Variants in NSMCE2 observed in about 807,000 individuals in gnomAD.
NSMCE2 encodes NSE2 SUMO ligase component of SMC5/6 complex, also known as E3 SUMO-protein ligase NSE2.
A neutral mutation model predicts 23.8 loss-of-function variants in NSMCE2; 24 were observed. The ratio of observed to expected loss-of-function variants is 1.01; its 90% CI spans 0.73 to 1.42. The LOEUF is 1.42. Among genes scored for constraint, NSMCE2 ranks in the 40% most tolerant of loss-of-function variants. The probability of loss-of-function intolerance (pLI) is 0.00; values close to 1 mark genes in which losing one functional copy is unlikely to be tolerated. For synonymous variants in NSMCE2, 92 were observed against 94.1 expected (o/e 0.98, Z 0.13); for missense variants, 284 against 296.5 (o/e 0.96, Z 0.31).
chr8:125,239,531 C>G (rs573741399), intron 5 of NSMCE2, among the ~76,000 whole-genome samples: 1 of 150,480 alleles, frequency 6.6e-6, no homozygotes, highest in Non-Finnish European at 1.5e-5. Context: ...ATTGCTTTAA[C>G]CCGGGAGGCA....
intron 4 of NSMCE2, among the ~76,000 whole-genome samples, chr8:125,173,653 G>C (rs1822334538): frequency 6.6e-6 from 1 of 152,164 alleles, no homozygotes; most frequent in Non-Finnish European, 1.5e-5. Flanking sequence ...CAGAGGTATG[G>C]TGGACAGGAA....
intron 3 of NSMCE2, among the ~76,000 whole-genome samples, chr8:125,120,124 G>T (rs1421184182): frequency 6.6e-6 from 1 of 152,032 alleles, no homozygotes; most frequent in Non-Finnish European, 1.5e-5. Context: ...ACTAAAATTA[G>T]AATCTTACAG....
At chr8:125,120,124 G>C (rs1421184182) in intron 3 of NSMCE2, among the ~76,000 whole-genome samples, 2 of 152,032 alleles carry the variant, frequency 1.3e-5, no homozygotes, top group African/African-American at 4.8e-5. Context: ...ACTAAAATTA[G>C]AATCTTACAG....
chr8:125,265,950 TG>T (rs1186160744), intron 5 of NSMCE2, among the ~76,000 whole-genome samples: 1 of 152,222 alleles, frequency 6.6e-6, no homozygotes. Flanking sequence ...TTATTTGATT[TG>T]TAAGCATTTC....
At chr8:125,351,325 C>G (rs1190985027) in intron 5 of NSMCE2, 2 of 151,994 alleles carry the variant, frequency 1.3e-5, no homozygotes, top group African/African-American at 2.4e-5. Context: ...CAGGGTTTCT[C>G]CTTCCTTTTG....
chr8:125,192,154 A>G (rs1057166873), intron 5 of NSMCE2, among the ~76,000 whole-genome samples: 3 of 152,168 alleles, frequency 2.0e-5, no homozygotes, highest in Non-Finnish European at 4.4e-5. Flanking sequence ...GATTAGGAAG[A>G]CCAAGTCTTA....
At chr8:125,276,908 G>A (rs528518639) in intron 5 of NSMCE2, among the ~76,000 whole-genome samples, 1 of 152,242 alleles carries the variant, frequency 6.6e-6, no homozygotes, top group South Asian at 2.1e-4. Context: ...TTGCACAACT[G>A]TGGGGGACAC....
At chr8:125,268,241 A>G (rs905282941) in intron 5 of NSMCE2, among the ~76,000 whole-genome samples, 3 of 143,934 alleles carry the variant, frequency 2.1e-5, no homozygotes, top group Non-Finnish European at 4.7e-5. Flanking sequence ...CTCAAGGAAG[A>G]AAAAAAAAAA....
At chr8:125,154,529 A>G (rs1385984553) in intron 4 of NSMCE2, among the ~76,000 whole-genome samples, 1 of 151,008 alleles carries the variant, frequency 6.6e-6, no homozygotes, top group African/African-American at 2.4e-5. Flanking sequence ...AAAAAAAAAA[A>G]GGACTCATTC....
intron 3 of NSMCE2, among the ~76,000 whole-genome samples, chr8:125,119,894 T>C (rs1819187637): frequency 6.6e-6 from 1 of 152,090 alleles, no homozygotes; most frequent in Non-Finnish European, 1.5e-5. Flanking sequence ...TAAAGCATTA[T>C]TTATATATGT....
intron 3 of NSMCE2, among the ~76,000 whole-genome samples, chr8:125,122,334 T>TC (rs1298546575): frequency 6.6e-6 from 1 of 152,320 alleles, no homozygotes; most frequent in East Asian, 1.9e-4. Context: ...TTTGATTGTT[T>TC]CTCTAGCCAT....
At chr8:125,316,723 T>C (rs13262006) in intron 5 of NSMCE2, among the ~76,000 whole-genome samples, 58,046 of 104,870 alleles carry the variant, frequency 0.55, 15,398 homozygotes, top group Admixed American at 0.62. Context: ...TCCTTCTTTC[T>C]TTCCTTCTTT....
intron 5 of NSMCE2, among the ~76,000 whole-genome samples, chr8:125,337,108 G>A (rs1283391230): frequency 6.6e-6 from 1 of 152,204 alleles, no homozygotes; most frequent in Non-Finnish European, 1.5e-5. Flanking sequence ...GAGAAAATGG[G>A]GTTAGCCTAT....
intron 5 of NSMCE2, among the ~76,000 whole-genome samples, chr8:125,230,894 A>T (rs1004549476): frequency 6.6e-6 from 1 of 152,194 alleles, no homozygotes; most frequent in Non-Finnish European, 1.5e-5. Flanking sequence ...TGGACAGGTC[A>T]GGGTTTGCTT....
chr8:125,140,935 T>A (rs13279210), intron 3 of NSMCE2, among the ~76,000 whole-genome samples: 4 of 152,084 alleles, frequency 2.6e-5, no homozygotes, highest in African/African-American at 9.7e-5. Context: ...AAGAAAGATG[T>A]GGAAAAAAGA....
chr8:125,260,748 C>T (rs955805492), intron 5 of NSMCE2, among the ~76,000 whole-genome samples: 3 of 151,690 alleles, frequency 2.0e-5, no homozygotes, highest in African/African-American at 2.4e-5. Flanking sequence ...CCTTAGCCTC[C>T]CGAGTAGCTG....
At chr8:125,239,138 G>C (rs1825667632) in intron 5 of NSMCE2, among the ~76,000 whole-genome samples, 1 of 152,154 alleles carries the variant, frequency 6.6e-6, no homozygotes, top group South Asian at 2.1e-4. Flanking sequence ...CATGGACTGA[G>C]CCACTCTGGA....
intron 5 of NSMCE2, among the ~76,000 whole-genome samples, chr8:125,276,091 GA>G (rs1272330494): frequency 6.6e-6 from 1 of 152,178 alleles, no homozygotes; most frequent in Non-Finnish European, 1.5e-5. Context: ...GAAATTCAGA[GA>G]TTCTTCCAGA....
At chr8:125,212,805 G>A (rs546868604) in intron 5 of NSMCE2, among the ~76,000 whole-genome samples, 1 of 152,282 alleles carries the variant, frequency 6.6e-6, no homozygotes, top group Non-Finnish European at 1.5e-5. Flanking sequence ...AGGAGGCAGA[G>A]GGTGACTAGA....
Sources: gnomAD v4.1 joint callset for allele counts (sites outside exome capture counted in the v4.1 genomes callset) on GRCh38, gnomAD v4.1.1 for gene constraint, MANE v1.5 for transcripts, NCBI Gene and HGNC (gene_info 2026-07-23, HGNC 2026-07-21) for gene names.